WDR35: variants seen among roughly 807,000 people sequenced by gnomAD.
WDR35 encodes the protein WD repeat domain 35.
A neutral mutation model predicts 158.3 loss-of-function variants in WDR35; 118 were observed. The observed-to-expected ratio is 0.75, with a 90% CI of 0.64 to 0.87. WDR35 has a LOEUF of 0.87. Among genes scored for constraint, WDR35 ranks in the 40% least tolerant of loss-of-function variants. WDR35 has a pLI of 0.00. For synonymous variants in WDR35, 448 were observed against 476.1 expected (o/e 0.94, Z 0.77); for missense variants, 1,263 against 1,405.8 (o/e 0.90, Z 1.62).
intron 4 of WDR35, 56 bp downstream of exon 4, chr2:19,980,635 T>A: frequency 6.9e-7 from 1 of 1,447,006 alleles, no homozygotes; most frequent in Non-Finnish European, 9.7e-7. Flanking sequence ...ATCCAAATAC[T>A]GTGATCCAGA....
At chr2:19,938,801 C>A (rs780131301) in intron 17 of WDR35, among the ~76,000 whole-genome samples, 1 of 152,172 alleles carries the variant, frequency 6.6e-6, no homozygotes, top group Non-Finnish European at 1.5e-5. Context: ...TGACCTAATG[C>A]TCTCCTGCTT....
At chr2:19,945,235 C>T (rs1004505640) in intron 16 of WDR35, among the ~76,000 whole-genome samples, 5 of 151,998 alleles carry the variant, frequency 3.3e-5, no homozygotes, top group Non-Finnish European at 7.4e-5. Flanking sequence ...AAGGGGACTT[C>T]CTCATACCCA....
At chr2:19,957,852 T>A (rs1671498904) in intron 11 of WDR35, among the ~76,000 whole-genome samples, 1 of 152,098 alleles carries the variant, frequency 6.6e-6, no homozygotes, top group Admixed American at 6.6e-5. Context: ...CATGCCCAGC[T>A]TGGAAAAAAA....
At chr2:19,952,584 T>C (rs930291792) in intron 12 of WDR35, among the ~76,000 whole-genome samples, 5 of 152,036 alleles carry the variant, frequency 3.3e-5, no homozygotes, top group Non-Finnish European at 7.4e-5. Flanking sequence ...AGATCTACCT[T>C]CTCCCACAAG....
chr2:19,940,207 A>G (rs1319907028), intron 17 of WDR35, among the ~76,000 whole-genome samples: 1 of 150,622 alleles, frequency 6.6e-6, no homozygotes, highest in Non-Finnish European at 1.5e-5. Flanking sequence ...AAAAAAAAAA[A>G]ACACAAAAAA....
At chr2:19,924,938 A>C (rs1192609934) in intron 25 of WDR35, among the ~76,000 whole-genome samples, 1 of 152,250 alleles carries the variant, frequency 6.6e-6, no homozygotes, top group Admixed American at 6.5e-5. Context: ...ACATTGGGCT[A>C]ATCAGTGTCA....
intron 10 of WDR35, among the ~76,000 whole-genome samples, chr2:19,964,765 A>T (rs1671794244): frequency 6.6e-6 from 1 of 151,728 alleles, no homozygotes; most frequent in Non-Finnish European, 1.5e-5. Context: ...TCACTTTACA[A>T]GTGTTTTCCT....
chr2:19,938,916 C>G (rs1670785607), intron 17 of WDR35, among the ~76,000 whole-genome samples: 1 of 152,136 alleles, frequency 6.6e-6, no homozygotes, highest in Non-Finnish European at 1.5e-5. Context: ...TACCTGAGGC[C>G]AAGAACTGTG....
intron 11 of WDR35, among the ~76,000 whole-genome samples, chr2:19,955,114 A>C (rs1671383306): frequency 6.6e-6 from 1 of 151,928 alleles, no homozygotes; most frequent in Admixed American, 6.6e-5. Flanking sequence ...CACCACGCCC[A>C]GCTAATTTTT....
intron 25 of WDR35, among the ~76,000 whole-genome samples, chr2:19,921,220 G>A (rs983606373): frequency 1.3e-5 from 2 of 151,908 alleles, no homozygotes; most frequent in Non-Finnish European, 2.9e-5. Context: ...TACAGAATTA[G>A]AAAGAACTTT....
Position 19,946,692 on chromosome 2 carries a change from A to G in WDR35, c.1525-122T>C, listed in dbSNP as rs112145746. ...CAAAGTGATGTCACAGCAAATTCTC[A>G]ATTCTGATAATGAATCATGTCCTTA... On this transcript the variant is annotated intron_variant, in intron 14 of 26. Coordinates refer to ENST00000281405, the MANE Select transcript of WDR35 (RefSeq NM_020779.4). 1.9e-4 allele frequency: 161 copies of G among 828,136 alleles called. 1 individual carries two copies. The African/African-American group carries it at 2.5e-3, about 13-fold the overall frequency. 51.3% of individuals were successfully genotyped at this position (828,136 alleles called of 1,614,324 possible).
At position 19,936,210 on chromosome 2, in the gene WDR35, G is replaced by A; in HGVS notation, c.2414+9C>T. The stretch of plus-strand genomic sequence containing the variant: ...TGAATGCTTGAGGAGCTCCAGGTAA[G>A]TTACATACCACTTTTGTCGATCAGC... On this transcript the variant is annotated intron_variant, in intron 20 of 26. Coordinates refer to ENST00000281405, the MANE Select transcript of WDR35 (RefSeq NM_020779.4). The A allele has an allele frequency of 6.2e-7, 1 of 1,613,834 alleles. No individual in the cohort carries two copies. The highest frequency in any genetic ancestry group is 2.2e-5 in the East Asian group (1 of 44,878).
At position 19,973,657 on chromosome 2, in the gene WDR35, T is replaced by C. The variant is rs748527619; in HGVS notation, c.788A>G (p.His263Arg). ...GMYVVGIQWN[H>R]MGSVLAVAGF... is the part of the protein sequence containing the mutation. The stretch of plus-strand genomic sequence containing the variant: ...TGCCACAGCTAACACGCTGCCCATG[T>C]GGTTCCACTGGATGCCTACTACGTA... Residue 263 changes from histidine to arginine, a missense_variant, in exon 8 of 27, where the codon CAC becomes CGC. By Grantham distance (29) the His-to-Arg change is conservative (BLOSUM62 0). Coordinates refer to ENST00000281405, the MANE Select transcript of WDR35 (RefSeq NM_020779.4). 4.1e-5 allele frequency: 66 copies of C among 1,614,134 alleles called. No homozygotes were observed. The highest frequency in any genetic ancestry group is 5.3e-5 in the Non-Finnish European group (62 of 1,180,056).
At chr2:19,962,405 G>T in intron 10 of WDR35, 1 of 1,444,538 alleles carries the variant, frequency 6.9e-7, no homozygotes, top group Non-Finnish European at 9.7e-7. Context: ...TCAACCTAAT[G>T]AAAGTGGCTT....
chr2:19,960,988 TA>T (rs1185862698), intron 10 of WDR35, among the ~76,000 whole-genome samples: 2 of 152,158 alleles, frequency 1.3e-5, no homozygotes, highest in African/African-American at 4.8e-5. Flanking sequence ...TGCATCAAAA[TA>T]AACGTGCACT....
At chr2:19,971,800 G>A (rs1672042593) in intron 8 of WDR35, among the ~76,000 whole-genome samples, 2 of 152,184 alleles carry the variant, frequency 1.3e-5, no homozygotes, top group Non-Finnish European at 2.9e-5. Context: ...AAACCAGCCA[G>A]GATGTGGCAG....
rs759338246 is a variant in WDR35 at position 19,982,516 on chromosome 2, C to T, written c.161G>A (p.Gly54Asp). Residue 54 changes from glycine to aspartate, a missense_variant, in exon 3 of 27, where the codon GGC becomes GAC. Transcript: ENST00000281405. ...AGAAAGGTTACTGGGGGCTGCAAGG[C>T]CCCTCAATTTTGCATCATCTAAAAC... The part of the protein sequence containing the change: ...ETQTDDAKLR[G>D]LAAPSNLSMN... 1 of 1,613,778 alleles carries T rather than the reference C, an allele frequency of 6.2e-7. No individual in the cohort carries two copies. The highest frequency in any genetic ancestry group is 8.5e-7 in the Non-Finnish European group (1 of 1,179,874).
chr2:19,933,084 C>A (rs576755222), intron 22 of WDR35, among the ~76,000 whole-genome samples: 17 of 152,262 alleles, frequency 1.1e-4, no homozygotes, highest in African/African-American at 4.1e-4. Flanking sequence ...CCAACCCTAA[C>A]AAAATGCAGA....
In WDR35 at chr2:19,953,836, T is replaced by C. The variant is rs1671327694; in HGVS notation, c.1398A>G (p.Glu466=). 1.2e-6 allele frequency: 2 copies of C among 1,613,966 alleles called. No homozygotes were observed. The highest frequency in any genetic ancestry group is 1.3e-5 in the African/African-American group (1 of 74,926). ...AAAGTATGTATCAAAAGATATACCT[T>C]TCTCTCCCTTCTTTTCGAGACCGTG... ...QITRSRKEGR[E]RIYHVDDTPS... The change falls in exon 12 of 27, where the codon GAA becomes GAG. Residue 466 remains glutamate, a splice_region_variant and synonymous_variant. Coordinates refer to ENST00000281405, the MANE Select transcript of WDR35 (RefSeq NM_020779.4).
Sources: allele counts gnomAD v4.1 joint callset (sites outside exome capture counted in the v4.1 genomes callset), GRCh38; gene constraint gnomAD v4.1.1; transcripts MANE v1.5; gene names NCBI Gene and HGNC (gene_info 2026-07-23, HGNC 2026-07-21).